The following ATAD2B variants were observed in gnomAD, a reference collection of about 807,000 sequenced individuals.
The protein encoded by ATAD2B is ATPase family AAA domain containing 2B, also known as ATPase family AAA domain-containing protein 2B.
In ATAD2B, 40 loss-of-function variants were observed where a neutral mutation model predicts 167.6. That is an observed-to-expected ratio of 0.24 (90% CI 0.19 to 0.31). The LOEUF is 0.31. Ranked by LOEUF, ATAD2B falls within the 10% of genes least tolerant of loss-of-function variation. The pLI is 1.00. For synonymous variants in ATAD2B, 579 were observed against 596.5 expected, an observed-to-expected ratio of 0.97 and a Z score of 0.43; for missense variants, 1,242 against 1,757.2, an observed-to-expected ratio of 0.71 and a Z score of 5.24.
intron 17 of ATAD2B, chr2:23,811,602 T>G (rs1448027989): frequency 4.0e-5 from 6 of 151,706 alleles, no homozygotes; most frequent in African/African-American, 1.5e-4. Context: ...TGTCCGGGGG[T>G]GGGAGGCCAG....
At chr2:23,903,152 C>T (rs1037797879) in intron 1 of ATAD2B, among the ~76,000 whole-genome samples, 1 of 152,002 alleles carries the variant, frequency 6.6e-6, no homozygotes, top group African/African-American at 2.4e-5. Flanking sequence ...GGGAGAATCA[C>T]CTGAGCCCCA....
chr2:23,787,926 C>T (rs984300066), intron 20 of ATAD2B, among the ~76,000 whole-genome samples: 2 of 152,024 alleles, frequency 1.3e-5, no homozygotes, highest in Admixed American at 6.6e-5. Flanking sequence ...TCTTGAGGTA[C>T]CTCTTAAGCT....
chr2:23,838,389 G>A (rs1259797709), intron 13 of ATAD2B, among the ~76,000 whole-genome samples: 1 of 151,904 alleles, frequency 6.6e-6, no homozygotes, highest in Non-Finnish European at 1.5e-5. Flanking sequence ...AGACGATAAA[G>A]TCTCAGACAT....
chr2:23,885,858 A>T (rs934027769), intron 4 of ATAD2B, 29 bp from the exon 5 acceptor site: 1 of 1,355,298 alleles, frequency 7.4e-7, no homozygotes. Context: ...ATCAGGATTT[A>T]GACAATGGTG....
chr2:23,818,561 C>T (rs1686962548), intron 17 of ATAD2B, among the ~76,000 whole-genome samples: 1 of 151,954 alleles, frequency 6.6e-6, no homozygotes, highest in Non-Finnish European at 1.5e-5. Flanking sequence ...GTAATTTAGG[C>T]TCATTTTTAA....
intron 1 of ATAD2B, among the ~76,000 whole-genome samples, chr2:23,911,830 C>A: frequency 6.6e-6 from 1 of 151,908 alleles, no homozygotes; most frequent in Non-Finnish European, 1.5e-5. Context: ...CAAAAATTAG[C>A]CAGGTGTGGT....
At chr2:23,709,639 CAA>C in the ATAD2B span, among the ~76,000 whole-genome samples, 3 of 103,370 alleles carry the variant, frequency 2.9e-5, no homozygotes, top group Non-Finnish European at 4.1e-5. Flanking sequence ...GTCTCCTTGC[CAA>C]AAAAAAAAAA....
chr2:23,738,935 G>C, the ATAD2B span, among the ~76,000 whole-genome samples: 777 of 152,154 alleles, frequency 5.1e-3, 18 homozygotes, highest in East Asian at 0.036. Context: ...AACCAACAAA[G>C]ATCAAAAGAG....
At chr2:23,690,207 CA>C in the ATAD2B span, 1 of 152,240 alleles carries the variant, frequency 6.6e-6, no homozygotes, top group Non-Finnish European at 1.5e-5. Flanking sequence ...CAGGTACTGC[CA>C]CGTAGGGAAG....
chr2:23,791,816 A>T (rs1033456712), intron 19 of ATAD2B, among the ~76,000 whole-genome samples: 11 of 152,200 alleles, frequency 7.2e-5, no homozygotes, highest in Admixed American at 7.2e-4. Flanking sequence ...CCTTTTGGTT[A>T]CTATGAATGA....
Position 23,871,333 on chromosome 2 carries a change from G to A in ATAD2B, c.978-1572C>T, listed in dbSNP as rs377021887. Reference sequence around the variant, plus strand: ...TGATCTTACCTCGGATCTTGTTACCGCGTGAACTGCTCTCCACCTCTGCAA... The same window carrying A: ...TGATCTTACCTCGGATCTTGTTACCACGTGAACTGCTCTCCACCTCTGCAA... On this transcript the variant is annotated intron_variant, in intron 8 of 27. Coordinates refer to ENST00000238789, the MANE Select transcript of ATAD2B (RefSeq NM_017552.4). Among the ~76,000 whole-genome samples the A allele has an allele frequency of 3.0e-4, 45 of 151,198 alleles. No individual in the cohort carries two copies. The East Asian group carries it at 6.6e-3, about 22-fold the overall frequency.
chr2:23,895,832 TTGA>T lies in ATAD2B; in HGVS notation c.352_354del (p.Ser118del). ...CTCCTTTCTCACCTGGCCTGTCCAG[TTGA>T]TAAGTTCCATTCCTCTCGCTGACCA... is the stretch of plus-strand genomic sequence containing the variant. On this transcript the variant is annotated inframe_deletion, in exon 2 of 28. Coordinates refer to ENST00000238789, the MANE Select transcript of ATAD2B (RefSeq NM_017552.4). 2 of 1,609,960 alleles carry T rather than the reference TTGA, an allele frequency of 1.2e-6. No individual in the cohort carries two copies. Among genetic ancestry groups the T allele is most frequent in the Middle Eastern group, 1.7e-4 (1 of 6,056 alleles).
the ATAD2B span, among the ~76,000 whole-genome samples, chr2:23,713,305 A>G: frequency 1.3e-5 from 2 of 150,388 alleles, no homozygotes; most frequent in Non-Finnish European, 3.0e-5. Context: ...TCTTCAATTC[A>G]CCCCCTAAAT....
chr2:23,849,822 G>A (rs1012210059), intron 13 of ATAD2B, among the ~76,000 whole-genome samples: 8 of 151,946 alleles, frequency 5.3e-5, no homozygotes, highest in Admixed American at 2.0e-4. Flanking sequence ...GTGAGACTCC[G>A]TCTCAAAAAA....
At chr2:23,711,526 C>T in the ATAD2B span, among the ~76,000 whole-genome samples, 8 of 151,862 alleles carry the variant, frequency 5.3e-5, no homozygotes, top group African/African-American at 1.9e-4. Context: ...CCTGCCACCA[C>T]GTCCAGCTAA....
chr2:23,803,563 T>A lies in ATAD2B; in HGVS notation c.2455-5240A>T, dbSNP rs567060934. On this transcript the variant is annotated intron_variant, in intron 18 of 27. Coordinates refer to ENST00000238789, the MANE Select transcript of ATAD2B (RefSeq NM_017552.4). ...TGTGTAAGTACACTCAGGTGATTCT[T>A]ATGCACACTAAATCTTAAGAAACAA... is the stretch of plus-strand genomic sequence containing the variant. 5.3e-5 allele frequency among the ~76,000 whole-genome samples: 8 copies of A among 152,340 alleles called. No homozygotes were observed. The South Asian group carries it at 1.2e-3, about 24-fold the overall frequency.
chr2:23,880,809 G>A (rs1697767384), intron 6 of ATAD2B, 54 bp from the exon 7 acceptor site: 2 of 1,074,290 alleles, frequency 1.9e-6, no homozygotes, highest in Non-Finnish European at 2.8e-6. Context: ...AATTCAAAAG[G>A]ATTGGTCTAC....
In ATAD2B at chr2:23,875,722, T is replaced by C. The variant is rs570412270; in HGVS notation, c.977+107A>G. Reference sequence around the variant, plus strand: ...CAGGCAAACTGAATCTGGAAGATAATAGTAGCTAAATAGGATGACAACTGT... The same window carrying C: ...CAGGCAAACTGAATCTGGAAGATAACAGTAGCTAAATAGGATGACAACTGT... On this transcript the variant is annotated intron_variant, in intron 8 of 27. Coordinates refer to ENST00000238789, the MANE Select transcript of ATAD2B (RefSeq NM_017552.4). The C allele has an allele frequency of 1.0e-4, 78 of 752,100 alleles. 1 individual carries two copies. Among genetic ancestry groups the C allele is most frequent in the African/African-American group, 9.5e-4 (54 of 56,832 alleles). 46.6% of individuals were successfully genotyped at this position (752,100 alleles called of 1,614,324 possible). A position where few individuals can be genotyped will look rare whatever the true frequency, so the allele number is the denominator to read the frequency against.
intron 23 of ATAD2B, among the ~76,000 whole-genome samples, chr2:23,764,986 C>A (rs1378960329): frequency 1.3e-5 from 2 of 152,218 alleles, no homozygotes; most frequent in Admixed American, 1.3e-4. Context: ...AGTGCATACA[C>A]CACACTGTAC....
Sources: gnomAD v4.1 joint callset for allele counts (sites outside exome capture counted in the v4.1 genomes callset) on GRCh38, gnomAD v4.1.1 for gene constraint, MANE v1.5 for transcripts, NCBI Gene and HGNC (gene_info 2026-07-23, HGNC 2026-07-21) for gene names.